Variants in TNIK observed in about 807,000 individuals in gnomAD.
The protein encoded by TNIK is TRAF2 and NCK interacting kinase, also known as TRAF2 and NCK-interacting protein kinase.
A neutral mutation model predicts 191.3 loss-of-function variants in TNIK; 49 were observed. The observed-to-expected ratio is 0.26, with a 90% confidence interval of 0.20 to 0.32. TNIK has a LOEUF of 0.32. TNIK is among the 10% of genes least tolerant of loss of function. The pLI is 1.00. For missense variants in TNIK, 1,155 were observed against 1,702.3 expected, an observed-to-expected ratio of 0.68 and a Z score of 5.66; for synonymous variants, 594 against 600.9, an observed-to-expected ratio of 0.99 and a Z score of 0.17.
At chr3:171,389,266 C>T (rs189514009) in intron 1 of TNIK, among the ~76,000 whole-genome samples, 4 of 151,818 alleles carry the variant, frequency 2.6e-5, no homozygotes, top group Admixed American at 6.5e-5. Flanking sequence ...AATGGAAGTA[C>T]CAGAAACTGT....
At chr3:171,295,648 T>G (rs955681302) in intron 2 of TNIK, among the ~76,000 whole-genome samples, 6 of 152,248 alleles carry the variant, frequency 3.9e-5, no homozygotes, top group African/African-American at 1.4e-4. Context: ...TGAAAGCTCT[T>G]TCTTCCTTCT....
At chr3:171,419,381 T>C (rs1004398960) in intron 1 of TNIK, among the ~76,000 whole-genome samples, 4 of 152,226 alleles carry the variant, frequency 2.6e-5, no homozygotes, top group Admixed American at 2.6e-4. Context: ...TGTGGAATGA[T>C]GTTTCTTTTG....
At chr3:171,177,156 T>A (rs1237244749) in intron 8 of TNIK, among the ~76,000 whole-genome samples, 170 bp downstream of exon 8, 1 of 151,986 alleles carries the variant, frequency 6.6e-6, no homozygotes, top group African/African-American at 2.4e-5. Flanking sequence ...TGCTCTGAAA[T>A]GAATGGATTC....
chr3:171,443,318 G>A lies in TNIK; in HGVS notation c.57+16689C>T, dbSNP rs150760827. On this transcript the variant is annotated intron_variant, in intron 1 of 32. Coordinates refer to ENST00000436636, the MANE Select transcript of TNIK (RefSeq NM_015028.4). ...ATCGCAGCACTCCCAAACTCAAAGG[G>A]CCCTTTCAACCACGCCAATTGCAAC... Among the ~76,000 whole-genome samples, 602 of 152,190 alleles carry A rather than the reference G, an allele frequency of 4.0e-3. 4 individuals are homozygous for A. The highest frequency in any genetic ancestry group is 0.013 in the African/African-American group (557 of 41,530).
At position 171,283,422 on chromosome 3, in the gene TNIK, G is replaced by A. The variant is rs371349023; in HGVS notation, c.124-55201C>T. On this transcript the variant is annotated intron_variant, in intron 2 of 32. Coordinates refer to ENST00000436636, the MANE Select transcript of TNIK (RefSeq NM_015028.4). Reference sequence around the variant, plus strand: ...ATAGTATAACTAAAGGAAGGGGATCGCCAAAACCATTCACTTAGGGGAATT... The same window carrying A: ...ATAGTATAACTAAAGGAAGGGGATCACCAAAACCATTCACTTAGGGGAATT... Among the ~76,000 whole-genome samples the A allele has an allele frequency of 8.3e-4, 126 of 152,192 alleles. 1 individual carries two copies. The South Asian group carries it at 0.021, about 26-fold the overall frequency.
chr3:171,346,279 C>T (rs772983573), intron 2 of TNIK, among the ~76,000 whole-genome samples: 10 of 152,136 alleles, frequency 6.6e-5, no homozygotes, highest in Non-Finnish European at 1.0e-4. Flanking sequence ...AGTCTCTACA[C>T]TGATTTTATG....
At chr3:171,173,832 C>G (rs528565842) in intron 9 of TNIK, among the ~76,000 whole-genome samples, 17 of 152,116 alleles carry the variant, frequency 1.1e-4, no homozygotes, top group Non-Finnish European at 2.2e-4. Flanking sequence ...AAGCAGGAAC[C>G]TAGCAGAGGG....
intron 2 of TNIK, among the ~76,000 whole-genome samples, chr3:171,329,650 G>A (rs1756196681): frequency 6.6e-6 from 1 of 152,136 alleles, no homozygotes. Flanking sequence ...GAGAATAAAT[G>A]CCTTTTTATT....
At chr3:171,357,656 C>A (rs1404564775) in intron 2 of TNIK, among the ~76,000 whole-genome samples, 2 of 151,220 alleles carry the variant, frequency 1.3e-5, no homozygotes, top group Non-Finnish European at 2.9e-5. Context: ...TAGGAGACAG[C>A]CAGACAGAGG....
chr3:171,225,619 G>T, intron 3 of TNIK: 1 of 456,446 alleles, frequency 2.2e-6, no homozygotes, highest in South Asian at 1.6e-5. Flanking sequence ...ACCCAGTTTA[G>T]AAAGACTAAC....
At chr3:171,107,374 C>T (rs1043046392) in intron 20 of TNIK, among the ~76,000 whole-genome samples, 168 bp from the exon 21 acceptor site, 7 of 151,948 alleles carry the variant, frequency 4.6e-5, no homozygotes, top group Admixed American at 2.0e-4. Context: ...TTATTACTCT[C>T]GGTATACGTC....
chr3:171,447,523 G>A (rs1727658861), intron 1 of TNIK, among the ~76,000 whole-genome samples: 1 of 152,198 alleles, frequency 6.6e-6, no homozygotes, highest in South Asian at 2.1e-4. Flanking sequence ...TCAAATGATG[G>A]CTATGTGAGT....
rs568728152 is a variant in TNIK at position 171,119,384 on chromosome 3, G to A, written c.2120+4212C>T. On this transcript the variant is annotated intron_variant, in intron 18 of 32. Transcript: ENST00000436636. The stretch of plus-strand genomic sequence containing the variant: ...CAACCATTGTGGAAGACAGTGTGGC[G>A]ATTCCTCAGGGATCTAGAACTAGAA... Among the ~76,000 whole-genome samples the A allele has an allele frequency of 1.4e-4, 22 of 152,284 alleles. No homozygotes were observed. The East Asian group carries it at 1.7e-3, about 12-fold the overall frequency.
At position 171,068,856 on chromosome 3, in the gene TNIK, G is replaced by C. The variant is rs369430084; in HGVS notation, c.3691C>G (p.Pro1231Ala). Residue 1231 changes from proline to alanine, a missense_variant, in exon 30 of 33, where the codon CCA (proline) becomes GCA (alanine). Around this residue, in one of 3 missense-constraint regions of TNIK, gnomAD observed 195 missense variants for 415.4 expected, o/e 0.47. Coordinates refer to ENST00000436636, the MANE Select transcript of TNIK (RefSeq NM_015028.4). ...DSGNSYDIYIPSHIQGNITPH... is the reference protein window; with the variant it reads ...DSGNSYDIYIASHIQGNITPH... ...TACTTCTGAGTACTTACATGAGATG[G>C]TATGTAGATATCATAAGAGTTTCCT... is the stretch of plus-strand genomic sequence containing the variant. 6.2e-7 allele frequency: 1 copy of C among 1,613,190 alleles called. No homozygotes were observed. The highest frequency in any genetic ancestry group is 1.3e-5 in the African/African-American group (1 of 74,884).
chr3:171,361,834 C>G (rs1434489018), intron 2 of TNIK, among the ~76,000 whole-genome samples: 2 of 152,190 alleles, frequency 1.3e-5, no homozygotes, highest in African/African-American at 2.4e-5. Context: ...TAATTGATTT[C>G]AACCTCACGA....
At chr3:171,457,634 C>T (rs1728931722) in intron 1 of TNIK, among the ~76,000 whole-genome samples, 1 of 152,152 alleles carries the variant, frequency 6.6e-6, no homozygotes. Flanking sequence ...CCTATGTGGC[C>T]TTTGGACCCA....
chr3:171,318,131 G>A (rs1754828579), intron 2 of TNIK, among the ~76,000 whole-genome samples: 1 of 152,152 alleles, frequency 6.6e-6, no homozygotes, highest in South Asian at 2.1e-4. Context: ...ATACCTCAGT[G>A]TAGAAAGAAG....
intron 2 of TNIK, among the ~76,000 whole-genome samples, chr3:171,271,916 T>A (rs1392917182): frequency 6.6e-6 from 1 of 152,246 alleles, no homozygotes; most frequent in African/African-American, 2.4e-5. Flanking sequence ...GATTCTTGCC[T>A]GAACCCCTTA....
intron 1 of TNIK, among the ~76,000 whole-genome samples, chr3:171,429,757 C>A (rs558970688): frequency 5.9e-5 from 9 of 152,302 alleles, no homozygotes; most frequent in East Asian, 5.8e-4. Context: ...TCTCCTCCAT[C>A]CCCTCTTCTC....
Sources: allele counts gnomAD v4.1 joint callset (sites outside exome capture counted in the v4.1 genomes callset), GRCh38; gene constraint gnomAD v4.1.1; regional missense constraint gnomAD v4.1.1; transcripts MANE v1.5; gene names NCBI Gene and HGNC (gene_info 2026-07-23, HGNC 2026-07-21).